Variants in DHX36 observed in about 807,000 individuals in gnomAD.
The protein encoded by DHX36 is ATP-dependent DNA/RNA helicase DHX36.
DHX36 carries 50 observed loss-of-function variants against 139.0 expected under a neutral mutation model. The ratio of observed to expected loss-of-function variants is 0.36; its 90% CI spans 0.29 to 0.46. DHX36 has a LOEUF of 0.46. DHX36 is among the 20% of genes least tolerant of loss of function. The probability of loss-of-function intolerance (pLI) is 1.00; values close to 1 mark genes in which losing one functional copy is unlikely to be tolerated. For synonymous variants in DHX36, 425 were observed against 401.9 expected (o/e 1.06, Z -0.69); for missense variants, 1,024 against 1,211.3 (o/e 0.85, Z 2.29).
Position 154,309,570 on chromosome 3 carries a change from T to A in DHX36, c.813+83A>T, listed in dbSNP as rs190980572. The A allele has an allele frequency of 4.9e-3, 5,901 of 1,208,530 alleles. 22 individuals are homozygous for A. The highest frequency in any genetic ancestry group is 5.9e-3 in the Non-Finnish European group (5,304 of 898,340). 74.9% of individuals were successfully genotyped at this position (1,208,530 alleles called of 1,614,324 possible). ...CACCAATCCTAAGCCTAATTAAGAATCACTCCACACCTTCAGAATCAGTAG... is the reference window on the plus strand; with the variant it reads ...CACCAATCCTAAGCCTAATTAAGAAACACTCCACACCTTCAGAATCAGTAG... On this transcript the variant is annotated intron_variant, in intron 5 of 24. Coordinates refer to ENST00000496811, the MANE Select transcript of DHX36 (RefSeq NM_020865.3).
chr3:154,313,934 A>G (rs1396320418), intron 3 of DHX36, among the ~76,000 whole-genome samples: 1 of 152,178 alleles, frequency 6.6e-6, no homozygotes, highest in African/African-American at 2.4e-5. Flanking sequence ...GTTGTTGAGA[A>G]GCTTAAATAA....
intron 5 of DHX36, among the ~76,000 whole-genome samples, chr3:154,307,181 C>T (rs759991174): frequency 1.3e-5 from 2 of 151,896 alleles, no homozygotes; most frequent in Non-Finnish European, 2.9e-5. Flanking sequence ...AGAAGAAAAC[C>T]TAGGGAAAAA....
In DHX36 at chr3:154,284,465, G is replaced by C. The variant is rs1347654897; in HGVS notation, c.2292+118C>G. ...CAAAGTGCTATGATTACAGGCATGA[G>C]CCACCGCGCCCGGCCTTATAACAGA... On this transcript the variant is annotated intron_variant, in intron 19 of 24. Transcript: ENST00000496811. 3 of 841,434 alleles carry C rather than the reference G, an allele frequency of 3.6e-6. No individual in the cohort carries two copies. The East Asian group carries it at 8.2e-5, about 23-fold the overall frequency. 52.1% of individuals were successfully genotyped at this position (841,434 alleles called of 1,614,324 possible).
At chr3:154,317,623 T>C (rs956833754) in intron 1 of DHX36, among the ~76,000 whole-genome samples, 1 of 151,996 alleles carries the variant, frequency 6.6e-6, no homozygotes, top group African/African-American at 2.4e-5. Flanking sequence ...AAGTATAAAA[T>C]GGACGTAAGT....
intron 17 of DHX36, among the ~76,000 whole-genome samples, chr3:154,287,992 T>C (rs1443986533): frequency 1.3e-5 from 2 of 152,020 alleles, no homozygotes; most frequent in African/African-American, 2.4e-5. Flanking sequence ...CCACCACTGG[T>C]AGGAGTTTAA....
chr3:154,316,262 C>G, intron 1 of DHX36, 99 bp from the exon 2 acceptor site: 2 of 1,435,168 alleles, frequency 1.4e-6, no homozygotes, highest in Non-Finnish European at 9.5e-7. Flanking sequence ...AATATATGTT[C>G]AACAAATACA....
At chr3:154,318,604 A>G (rs1405356736) in intron 1 of DHX36, among the ~76,000 whole-genome samples, 2 of 152,176 alleles carry the variant, frequency 1.3e-5, no homozygotes, top group Non-Finnish European at 2.9e-5. Context: ...TCACAACAAA[A>G]TTCATTTTCA....
intron 19 of DHX36, among the ~76,000 whole-genome samples, chr3:154,284,371 G>C (rs1036655551): frequency 2.0e-5 from 3 of 152,040 alleles, no homozygotes; most frequent in Non-Finnish European, 2.9e-5. Context: ...AGTAGAGACA[G>C]GGTTTCGCCA....
Position 154,309,821 on chromosome 3 carries a change from T to C in DHX36, c.645A>G (p.Glu215=), listed in dbSNP as rs754217703. 4.4e-6 allele frequency: 7 copies of C among 1,587,904 alleles called. No homozygotes were observed. In the Admixed American group the frequency reaches 1.3e-4, roughly 29 times the overall value. Residue 215 remains glutamate (E), a splice_region_variant and synonymous_variant, in exon 5 of 25, where the codon GAA becomes GAG. Coordinates refer to ENST00000496811, the MANE Select transcript of DHX36 (RefSeq NM_020865.3). ...GATGGTTATCAATTAAATTTACCAA[T>C]TCCTATTTCAAAAGGGAAAATAAAG... ...EKLPSYGMQK[E]LVNLIDNHQV...
intron 1 of DHX36, among the ~76,000 whole-genome samples, chr3:154,316,562 T>G (rs981794689): frequency 2.0e-5 from 3 of 152,052 alleles, no homozygotes; most frequent in African/African-American, 7.2e-5. Flanking sequence ...CTGGAAATAG[T>G]TTGGTTGTAA....
At chr3:154,304,250 T>C (rs1712415451) in intron 8 of DHX36, among the ~76,000 whole-genome samples, 1 of 152,052 alleles carries the variant, frequency 6.6e-6, no homozygotes, top group Non-Finnish European at 1.5e-5. Context: ...GGAAAGACAG[T>C]GAGGATTAAT....
At chr3:154,305,225 AC>A in intron 6 of DHX36, 57 bp from the exon 7 acceptor site, 2 of 1,417,578 alleles carry the variant, frequency 1.4e-6, no homozygotes, top group Non-Finnish European at 2.0e-6. Context: ...ATAATTAACT[AC>A]CACAAAGGTT....
chr3:154,294,474 CT>C (rs1711950727), intron 13 of DHX36, among the ~76,000 whole-genome samples: 1 of 152,326 alleles, frequency 6.6e-6, no homozygotes, highest in Middle Eastern at 3.4e-3. Flanking sequence ...TTCACATACT[CT>C]CCAGCAAAGG....
intron 17 of DHX36, among the ~76,000 whole-genome samples, chr3:154,287,003 T>A (rs1329592277): frequency 6.6e-6 from 1 of 151,976 alleles, no homozygotes; most frequent in Admixed American, 6.5e-5. Flanking sequence ...AAAACAAGAT[T>A]TATCATAAAG....
chr3:154,303,270 A>G (rs1237078292), intron 9 of DHX36, 59 bp downstream of exon 9: 19 of 1,238,660 alleles, frequency 1.5e-5, no homozygotes, highest in Non-Finnish European at 1.9e-5. Flanking sequence ...AAAGTTTGAC[A>G]TGAGAAAAGT....
At position 154,324,215 on chromosome 3, in the gene DHX36, T is replaced by C. The variant is rs746851158; in HGVS notation, c.202A>G (p.Lys68Glu). ...KGREIGMWYAKKQGQKNKEAE... is the reference protein window; with the variant it reads ...KGREIGMWYAEKQGQKNKEAE... Reference sequence around the variant, plus strand: ...TCCTTGTTCTTCTGCCCCTGTTTTTTCGCGTACCACATGCCGATTTCGCGG... The same window carrying C: ...TCCTTGTTCTTCTGCCCCTGTTTTTCCGCGTACCACATGCCGATTTCGCGG... The change falls in exon 1 of 25, where the codon AAA becomes GAA. Residue 68 changes from lysine to glutamate, a missense_variant. Physicochemically the swap from Lys to Glu is moderately conservative, Grantham distance 56 (BLOSUM62 1). Coordinates refer to ENST00000496811, the MANE Select transcript of DHX36 (RefSeq NM_020865.3). 2 of 1,613,532 alleles carry C rather than the reference T, an allele frequency of 1.2e-6. No homozygotes were observed. The highest frequency in any genetic ancestry group is 1.7e-6 in the Non-Finnish European group (2 of 1,179,650).
In DHX36 at chr3:154,276,181, T is replaced by C. The variant is rs867399225; in HGVS notation, c.3017A>G (p.Tyr1006Cys). 4.3e-6 allele frequency: 7 copies of C among 1,611,406 alleles called. No homozygotes were observed. The Middle Eastern group carries it at 5.0e-4, about 114-fold the overall frequency. The part of the protein sequence containing the change: ...RNFPPRFQDG[Y>C]YS The stretch of plus-strand genomic sequence containing the variant: ...ACCCCTGAAAAGCTGTCAGCTGTAA[T>C]ATCCATCCTGGAATCGTGGCGGAAA... The change falls in exon 25 of 25, where the codon TAT (tyrosine) becomes TGT (cysteine). Residue 1006 changes from tyrosine (Y) to cysteine (C), a missense_variant. Tyr to Cys is a radical substitution (Grantham distance 194). This residue lies in a region of DHX36 where 470 missense variants were observed against 616.2 expected (regional missense o/e 0.76). Transcript: ENST00000496811.
At chr3:154,286,242 A>C (rs1265319310) in intron 17 of DHX36, among the ~76,000 whole-genome samples, 3 of 149,806 alleles carry the variant, frequency 2.0e-5, no homozygotes, top group Non-Finnish European at 4.4e-5. Context: ...TTCTCCTTTA[A>C]GAAGAATAAG....
At chr3:154,324,109 G>T in intron 1 of DHX36, 65 bp downstream of exon 1, 1 of 1,483,832 alleles carries the variant, frequency 6.7e-7, no homozygotes, top group Non-Finnish European at 9.1e-7. Context: ...AAGAAAAAGG[G>T]GGCAGCGGGA....
Sources: gnomAD v4.1 joint callset for allele counts (sites outside exome capture counted in the v4.1 genomes callset) on GRCh38, gnomAD v4.1.1 for gene constraint, gnomAD v4.1.1 regional missense constraint, MANE v1.5 for transcripts, NCBI Gene and HGNC (gene_info 2026-07-23, HGNC 2026-07-21) for gene names.